PRSS41: variants seen among roughly 807,000 people sequenced by gnomAD.
PRSS41 encodes the protein serine protease 41.
Under a neutral mutation model 28.8 loss-of-function variants are expected in PRSS41, and 37 were observed. That is an observed-to-expected ratio of 1.29 (90% CI 0.99 to 1.69). PRSS41 has a LOEUF of 1.69. PRSS41 is among the 40% of genes most tolerant of loss of function. The pLI is 0.00. For synonymous variants in PRSS41, 195 were observed against 163.1 expected (o/e 1.20, Z -1.49); for missense variants, 431 against 400.7 (o/e 1.08, Z -0.65).
At chr16:2,802,457 A>G (rs1287389482) in intron 4 of PRSS41, among the ~76,000 whole-genome samples, 163 of 135,034 alleles carry the variant, frequency 1.2e-3, no homozygotes, top group African/African-American at 3.9e-3. Flanking sequence ...AGGCAGAGAC[A>G]CTCCTCACTT....
At position 2,804,296 on chromosome 16, in the gene PRSS41, CCCCACCCCTATAACACATG is replaced by C. The variant is rs1179269184; in HGVS notation, c.542-89_542-71del. The C allele has an allele frequency of 6.5e-6, 9 of 1,383,020 alleles. No individual in the cohort carries two copies. The East Asian group carries it at 1.5e-4, about 23-fold the overall frequency. 85.7% of individuals were successfully genotyped at this position (1,383,020 alleles called of 1,614,324 possible). ...GTTGTGGGTGTGTCAGGGACCTTCT[CCCCACCCCTATAACACATG>C]CCCTTTCTCCTCTCCCTGCTCCAGA... On this transcript the variant is annotated intron_variant, in intron 4 of 5. Coordinates refer to ENST00000399677, the Ensembl canonical transcript of PRSS41.
chr16:2,803,588 C>G (rs905897965), intron 4 of PRSS41, among the ~76,000 whole-genome samples: 2 of 152,034 alleles, frequency 1.3e-5, no homozygotes, highest in Admixed American at 1.3e-4. Context: ...AGTTACACAC[C>G]AAAACTACAA....
At chr16:2,799,010 C>T (rs1381448474) in exon 3 of PRSS41, 1 of 1,528,164 alleles carries the variant, frequency 6.5e-7, no homozygotes, top group Admixed American at 2.0e-5. Context: ...GGAGTGGAGT[C>T]CGCGCGCGGG....
At chr16:2,803,125 T>G (rs904583565) in intron 4 of PRSS41, among the ~76,000 whole-genome samples, 1 of 152,232 alleles carries the variant, frequency 6.6e-6, no homozygotes, top group Non-Finnish European at 1.5e-5. Context: ...ATTTGGAGCA[T>G]TCAAGCCCTT....
chr16:2,799,632 C>G, intron 4 of PRSS41, 63 bp downstream of exon 4: 1 of 1,486,922 alleles, frequency 6.7e-7, no homozygotes, highest in East Asian at 2.5e-5. Flanking sequence ...CCCTCTACCC[C>G]TGTTCCCGCT....
At chr16:2,803,456 C>A (rs2069002513) in intron 4 of PRSS41, among the ~76,000 whole-genome samples, 1 of 152,160 alleles carries the variant, frequency 6.6e-6, no homozygotes, top group Admixed American at 6.5e-5. Context: ...TATATGGCTC[C>A]ATTCCTCCAC....
exon 4 of PRSS41, chr16:2,799,370 T>C: frequency 6.4e-7 from 1 of 1,551,898 alleles, no homozygotes; most frequent in Non-Finnish European, 8.7e-7. Context: ...CCTACAGCAG[T>C]CGTTACAAAG....
At chr16:2,802,031 ACCTC>A (rs2068991013) in intron 4 of PRSS41, among the ~76,000 whole-genome samples, 1 of 134,532 alleles carries the variant, frequency 7.4e-6, no homozygotes, top group African/African-American at 2.9e-5. Flanking sequence ...GACCCCCCCC[ACCTC>A]CCTCCCGGAC....
chr16:2,799,287 C>CACT (rs756134249), exon 4 of PRSS41: 51 of 1,551,324 alleles, frequency 3.3e-5, no homozygotes, highest in Non-Finnish European at 4.0e-5. Flanking sequence ...TTCTGCTAGG[C>CACT]ACTACTATCC....
exon 2 of PRSS41, chr16:2,798,648 A>T: frequency 6.7e-7 from 1 of 1,489,802 alleles, no homozygotes; most frequent in Non-Finnish European, 8.9e-7. Context: ...TCGCAGGAGG[A>T]GGAGCTGTTG....
exon 3 of PRSS41, chr16:2,798,967 G>A (rs1205266334): frequency 2.6e-6 from 4 of 1,530,350 alleles, no homozygotes; most frequent in Admixed American, 3.9e-5. Context: ...AGAGGCCTGC[G>A]GCCACCGGGA....
chr16:2,803,799 C>G (rs1475686391), intron 4 of PRSS41, among the ~76,000 whole-genome samples: 1 of 152,102 alleles, frequency 6.6e-6, no homozygotes, highest in Non-Finnish European at 1.5e-5. Context: ...TCATTTTTTT[C>G]CTGATATAAA....
intron 4 of PRSS41, among the ~76,000 whole-genome samples, chr16:2,802,350 T>C (rs2068994442): frequency 2.1e-5 from 3 of 145,490 alleles, no homozygotes; most frequent in Admixed American, 1.4e-4. Context: ...CGCTCCTCAC[T>C]TCCTAGATGG....
exon 4 of PRSS41, chr16:2,799,522 G>T: frequency 2.6e-6 from 4 of 1,551,778 alleles, no homozygotes; most frequent in Non-Finnish European, 3.5e-6. Context: ...TTCGTGCACC[G>T]GCCGGACTGC....
At chr16:2,804,149 AG>A (rs2150800530) in intron 4 of PRSS41, among the ~76,000 whole-genome samples, 1 of 152,304 alleles carries the variant, frequency 6.6e-6, no homozygotes, top group South Asian at 2.1e-4. Context: ...TCCATTCTAC[AG>A]ATAGAGAAAC....
intron 4 of PRSS41, among the ~76,000 whole-genome samples, chr16:2,801,718 G>A (rs1183267609): frequency 1.3e-5 from 2 of 152,010 alleles, no homozygotes; most frequent in African/African-American, 2.4e-5. Flanking sequence ...AGAACAAAAT[G>A]AAAAGTCTCC....
exon 4 of PRSS41, chr16:2,799,554 A>G: frequency 6.4e-7 from 1 of 1,551,472 alleles, no homozygotes; most frequent in Non-Finnish European, 8.7e-7. Context: ...CTGGGGGTTA[A>G]TCAGCCCCAG....
Position 2,802,645 on chromosome 16 carries a change from C to T in PRSS41, c.542-1744C>T, listed in dbSNP as rs1220218163. On this transcript the variant is annotated intron_variant, in intron 4 of 5. Transcript: ENST00000399677. ...CTGCAATCCCGGCACCTCGGGAGGC[C>T]GAGGCTGGCGGATCACTCGCGGTTA... is the stretch of plus-strand genomic sequence containing the variant. Among the ~76,000 whole-genome samples the T allele has an allele frequency of 7.9e-5, 12 of 152,338 alleles. 1 individual carries two copies. The highest frequency in any genetic ancestry group is 2.6e-4 in the African/African-American group (11 of 41,572).
At position 2,799,407 on chromosome 16, in the gene PRSS41, G is replaced by A. The variant is rs367804970; in HGVS notation, c.379G>A (p.Ala127Thr). 180 of 1,552,142 alleles carry A rather than the reference G, an allele frequency of 1.2e-4. No individual in the cohort carries two copies. The Middle Eastern group carries it at 1.5e-3, about 13-fold the overall frequency. Residue 127 changes from alanine to threonine, a missense_variant, in exon 4 of 6, where the codon GCA becomes ACA. Transcript: ENST00000399677. ...GCAGGACATCATTGTGAACCCTGAC[G>A]CACTTGGGGTTTTACGCAATGACAT...
Sources: allele counts gnomAD v4.1 joint callset (sites outside exome capture counted in the v4.1 genomes callset), GRCh38; gene constraint gnomAD v4.1.1; transcripts MANE v1.5; gene names NCBI Gene and HGNC (gene_info 2026-07-23, HGNC 2026-07-21).